CCR3: variants seen among roughly 807,000 people sequenced by gnomAD.
CCR3 encodes the protein C-C motif chemokine receptor 3, also known as C-C chemokine receptor type 3.
For missense variants in CCR3, 419 were observed against 437.5 expected, an observed-to-expected ratio of 0.96 and a Z score of 0.38; for synonymous variants, 203 against 179.2, an observed-to-expected ratio of 1.13 and a Z score of -1.06.
rs1174253575 is a variant in CCR3 at position 46,265,839 on chromosome 3, G to A, written c.681G>A (p.Leu227=). ...ACACAGGAATCATCAAAACGCTGCT[G>A]AGGTGCCCCAGTAAAAAAAAGTACA... ...ICYTGIIKTL[L]RCPSKKKYKA... is the part of the protein sequence containing the mutation. The change falls in exon 2 of 2, where the codon CTG becomes CTA. Residue 227 remains leucine (L), a synonymous_variant. Transcript: ENST00000395940. The A allele has an allele frequency of 2.5e-6, 4 of 1,613,898 alleles. No individual in the cohort carries two copies. The highest frequency in any genetic ancestry group is 3.4e-6 in the Non-Finnish European group (4 of 1,180,012).
At chr3:46,241,266 C>T (rs543379565), upstream of CCR3, among the ~76,000 whole-genome samples, 10 of 152,310 alleles carry the variant, frequency 6.6e-5, no homozygotes, top group South Asian at 1.9e-3. Context: ...GTCCTACACA[C>T]ATATCAAACG....
intron 1 of CCR3, among the ~76,000 whole-genome samples, chr3:46,260,397 T>C (rs763473781): frequency 3.9e-5 from 6 of 152,244 alleles, no homozygotes; most frequent in Non-Finnish European, 8.8e-5. Context: ...GCAAGTCCCT[T>C]CTGCCTATGA....
At chr3:46,255,618 A>G (rs1203209159) in intron 1 of CCR3, among the ~76,000 whole-genome samples, 1 of 152,160 alleles carries the variant, frequency 6.6e-6, no homozygotes. Flanking sequence ...ACACATGGCT[A>G]GCCAATTATC....
At chr3:46,228,404 C>G (rs1699927731) in intron 2 of CCR3, among the ~76,000 whole-genome samples, 1 of 152,182 alleles carries the variant, frequency 6.6e-6, no homozygotes, top group Admixed American at 6.5e-5. Flanking sequence ...TAGCGAGTAA[C>G]TTTCCCTATC....
At chr3:46,241,773 TGG>T (rs1700089177), upstream of CCR3, among the ~76,000 whole-genome samples, 1 of 152,196 alleles carries the variant, frequency 6.6e-6, no homozygotes, top group Non-Finnish European at 1.5e-5. Flanking sequence ...AAGTGTCTAC[TGG>T]ACCCTGCAGA....
chr3:46,251,314 G>T (rs4683192), intron 1 of CCR3, among the ~76,000 whole-genome samples: 1 of 151,988 alleles, frequency 6.6e-6, no homozygotes, highest in Non-Finnish European at 1.5e-5. Flanking sequence ...ATGGATAAAA[G>T]GTGTCTCCTT....
intron 2 of CCR3, among the ~76,000 whole-genome samples, chr3:46,228,350 T>C (rs1312967246): frequency 6.6e-6 from 1 of 152,192 alleles, no homozygotes; most frequent in East Asian, 1.9e-4. Flanking sequence ...CTTATAAGAA[T>C]TTTATCTGAG....
intron 2 of CCR3, among the ~76,000 whole-genome samples, chr3:46,229,866 C>A (rs1699942055): frequency 6.6e-6 from 1 of 152,196 alleles, no homozygotes; most frequent in Non-Finnish European, 1.5e-5. Context: ...AAAAAAACAG[C>A]ATAGGAGTCA....
At chr3:46,235,294 G>A (rs1311967773) in intron 2 of CCR3, among the ~76,000 whole-genome samples, 3 of 152,194 alleles carry the variant, frequency 2.0e-5, no homozygotes, top group Non-Finnish European at 2.9e-5. Flanking sequence ...AGCACCAGAA[G>A]ACTAAGTAGG....
At chr3:46,260,582 T>C (rs1448844970) in intron 1 of CCR3, among the ~76,000 whole-genome samples, 1 of 152,226 alleles carries the variant, frequency 6.6e-6, no homozygotes, top group Non-Finnish European at 1.5e-5. Flanking sequence ...AATGATCTCC[T>C]TTGACTCCAT....
chr3:46,242,982 C>CATATATATAT (rs10662192), intron 1 of CCR3, among the ~76,000 whole-genome samples: 82 of 99,314 alleles, frequency 8.3e-4, no homozygotes, highest in African/African-American at 2.6e-3. Flanking sequence ...TATATATACA[C>CATATATATAT]ATATATATAT....
intron 1 of CCR3, among the ~76,000 whole-genome samples, chr3:46,254,026 T>G (rs1338706911): frequency 6.6e-6 from 1 of 152,154 alleles, no homozygotes; most frequent in Non-Finnish European, 1.5e-5. Context: ...ACATAAAGTT[T>G]AAAAAGTCAC....
At chr3:46,221,944 C>T (rs1699841967) in intron 2 of CCR3, among the ~76,000 whole-genome samples, 1 of 152,158 alleles carries the variant, frequency 6.6e-6, no homozygotes, top group African/African-American at 2.4e-5. Context: ...GCCCCCTAGT[C>T]CCTCCCCAGC....
In CCR3 at chr3:46,266,025, C is replaced by T. The variant is rs770760041; in HGVS notation, c.867C>T (p.Ile289=). The T allele has an allele frequency of 1.5e-5, 24 of 1,614,024 alleles. No individual in the cohort carries two copies. The highest frequency in any genetic ancestry group is 4.5e-5 in the East Asian group (2 of 44,870). Reference sequence around the variant, plus strand: ...TGGTCATGCTGGTGACAGAGGTGATCGCCTACTCCCACTGCTGCATGAACC... The same window carrying T: ...TGGTCATGCTGGTGACAGAGGTGATTGCCTACTCCCACTGCTGCATGAACC... ...LDLVMLVTEV[I]AYSHCCMNPV... is the part of the protein sequence containing the mutation. Residue 289 remains isoleucine, a synonymous_variant, in exon 2 of 2, where the codon ATC becomes ATT. Coordinates refer to ENST00000395940, the MANE Select transcript of CCR3 (RefSeq NM_178329.3).
intron 2 of CCR3, among the ~76,000 whole-genome samples, chr3:46,237,451 T>G (rs1329701319): frequency 6.6e-6 from 1 of 152,220 alleles, no homozygotes; most frequent in Non-Finnish European, 1.5e-5. Flanking sequence ...TACTGTCCCA[T>G]TTGTCTATTT....
chr3:46,220,057 C>G (rs967196183), intron 2 of CCR3, among the ~76,000 whole-genome samples: 1 of 152,188 alleles, frequency 6.6e-6, no homozygotes, highest in Non-Finnish European at 1.5e-5. Context: ...ACAGACAACC[C>G]ACAGAGTGGG....
At chr3:46,264,825 T>C (rs1368707565) in intron 1 of CCR3, 1 of 386,602 alleles carries the variant, frequency 2.6e-6, no homozygotes, top group East Asian at 5.1e-5. Flanking sequence ...ATTGTTATCA[T>C]TATCTAGCCT....
chr3:46,235,361 A>C (rs1277995811), intron 2 of CCR3, among the ~76,000 whole-genome samples: 1 of 152,192 alleles, frequency 6.6e-6, no homozygotes. Flanking sequence ...TGCTACATTA[A>C]GACATAACAA....
chr3:46,251,181 G>A (rs563482197), intron 1 of CCR3, among the ~76,000 whole-genome samples: 72 of 152,178 alleles, frequency 4.7e-4, no homozygotes, highest in African/African-American at 1.3e-3. Context: ...CAAGGCAGGC[G>A]TCCCTGCGTG....
Sources: gnomAD v4.1 joint callset for allele counts (sites outside exome capture counted in the v4.1 genomes callset) on GRCh38, gnomAD v4.1.1 for gene constraint, MANE v1.5 for transcripts, NCBI Gene and HGNC (gene_info 2026-07-23, HGNC 2026-07-21) for gene names.